ADAM12: variants seen among roughly 807,000 people sequenced by gnomAD.
The protein encoded by ADAM12 is disintegrin and metalloproteinase domain-containing protein 12.
A neutral mutation model predicts 106.4 loss-of-function variants in ADAM12; 70 were observed. The ratio of observed to expected loss-of-function variants is 0.66; its 90% CI spans 0.54 to 0.80. The LOEUF is 0.80. Ranked by LOEUF, ADAM12 falls within the 30% of genes least tolerant of loss-of-function variation. The pLI is 0.00. For synonymous variants in ADAM12, 420 were observed against 433.5 expected (o/e 0.97, Z 0.39); for missense variants, 1,010 against 1,171.9 (o/e 0.86, Z 2.02).
intron 2 of ADAM12, among the ~76,000 whole-genome samples, chr10:126,319,637 C>G (rs1305362057): frequency 6.6e-6 from 1 of 152,104 alleles, no homozygotes; most frequent in Non-Finnish European, 1.5e-5. Context: ...TGTGAGGTCC[C>G]AGATGAACCA....
intron 21 of ADAM12, among the ~76,000 whole-genome samples, chr10:126,027,899 A>G (rs1254423239): frequency 1.3e-5 from 2 of 152,210 alleles, no homozygotes; most frequent in Non-Finnish European, 2.9e-5. Context: ...GGAAGAGAGG[A>G]AGTCAAACTA....
chr10:126,156,024 TA>T (rs1174090482), intron 3 of ADAM12, among the ~76,000 whole-genome samples: 5 of 152,224 alleles, frequency 3.3e-5, no homozygotes, highest in Non-Finnish European at 5.9e-5. Context: ...ACTTAGATTT[TA>T]AATTATTTTC....
rs377630592 is a variant in ADAM12, at chr10:126,118,085, C to A, written c.556G>T (p.Ala186Ser). Residue 186 changes from alanine to serine, a missense_variant, in exon 6 of 23, where the codon GCT becomes TCT. This residue lies in a region of ADAM12 where 391 missense variants were observed against 442.9 expected (regional missense o/e 0.88). Coordinates refer to ENST00000448723, the MANE Select transcript of ADAM12 (RefSeq NM_001288973.2). ...GGTGGTGGAAACACATTCTTTGCAG[C>A]GAGGTTTGGTGTGTTGTGATGTGAT... is the stretch of plus-strand genomic sequence containing the variant. ...CGSHHNTPNL[A>S]AKNVFPPPSQ... is the part of the protein sequence containing the mutation. The A allele has an allele frequency of 6.2e-7, 1 of 1,614,100 alleles. No homozygotes were observed.
chr10:126,230,308 T>C (rs1342606108), intron 3 of ADAM12, among the ~76,000 whole-genome samples: 1 of 152,180 alleles, frequency 6.6e-6, no homozygotes, highest in African/African-American at 2.4e-5. Flanking sequence ...GCTCCTGGCA[T>C]TTATCTGACG....
At chr10:126,217,759 G>GA (rs1345366177) in intron 3 of ADAM12, among the ~76,000 whole-genome samples, 1 of 62 alleles carries the variant, frequency 0.016, no homozygotes, top group African/African-American at 0.071. Flanking sequence ...GATCACCTGA[G>GA]TCAGGAGTTC....
At position 126,049,793 on chromosome 10, in the gene ADAM12, G is replaced by T. The variant is rs189070659; in HGVS notation, c.1610-124C>A. 7.1e-6 allele frequency: 6 copies of T among 848,826 alleles called. No homozygotes were observed. Among genetic ancestry groups the T allele is most frequent in the Non-Finnish European group, 1.1e-5 (6 of 552,244 alleles). The allele number at this position is 848,826 out of a possible 1,614,324, so 52.6% of individuals were successfully genotyped here. ...AGCAATCACACCCAGTGTCTGTCCC[G>T]ACTCATGGTGGGAGCTGGCCAGGGG... On this transcript the variant is annotated intron_variant, in intron 14 of 22. Transcript: ENST00000448723. This position sits in a 1 kb window ranked among gnomAD's most constrained non-coding sequence, Gnocchi z 4.4.
At chr10:126,109,643 A>G in intron 7 of ADAM12, 132 bp downstream of exon 7, 1 of 658,500 alleles carries the variant, frequency 1.5e-6, no homozygotes, top group Non-Finnish European at 2.5e-6. Context: ...CATTGTTTCA[A>G]TGGGTTGTTT....
chr10:126,020,299 C>T (rs367827709), intron 21 of ADAM12, among the ~76,000 whole-genome samples: 9 of 152,180 alleles, frequency 5.9e-5, no homozygotes, highest in African/African-American at 1.9e-4. Context: ...CACGTGCAGG[C>T]GCTGTTCCAC....
At chr10:126,156,910 G>A (rs1956827091) in intron 3 of ADAM12, among the ~76,000 whole-genome samples, 1 of 152,196 alleles carries the variant, frequency 6.6e-6, no homozygotes, top group Non-Finnish European at 1.5e-5. Context: ...TGGACAACAG[G>A]GAGTCAAGAG....
chr10:126,350,937 C>T (rs1013258195), intron 1 of ADAM12, among the ~76,000 whole-genome samples: 6 of 152,208 alleles, frequency 3.9e-5, no homozygotes, highest in African/African-American at 1.4e-4. Flanking sequence ...CTGCCCCTTC[C>T]CCTGTCCAGG....
At position 126,337,732 on chromosome 10, in the gene ADAM12, C is replaced by T. The variant is rs1454323793; in HGVS notation, c.89-7223G>A. On this transcript the variant is annotated intron_variant, in intron 1 of 22. Coordinates refer to ENST00000448723, the MANE Select transcript of ADAM12 (RefSeq NM_001288973.2). ...CTGACACCTAATATTAACCATCACA[C>T]ATGGATCTCATTTGGTTTAGGTTGT... Among the ~76,000 whole-genome samples the T allele has an allele frequency of 2.0e-5, 3 of 152,218 alleles. No homozygotes were observed. The East Asian group carries it at 5.8e-4, about 29-fold the overall frequency.
At chr10:126,048,438 T>C (rs1289318186) in intron 16 of ADAM12, among the ~76,000 whole-genome samples, 2 of 152,076 alleles carry the variant, frequency 1.3e-5, no homozygotes, top group Admixed American at 1.3e-4. Flanking sequence ...GAAAAAGGAT[T>C]TGTGGCTCAG....
chr10:126,124,819 G>T (rs1328389789), intron 5 of ADAM12, among the ~76,000 whole-genome samples: 1 of 151,022 alleles, frequency 6.6e-6, no homozygotes, highest in Non-Finnish European at 1.5e-5. Context: ...TTGAACCTGG[G>T]AGGCGGAGGT....
At chr10:126,157,903 G>A (rs1284237236) in intron 3 of ADAM12, among the ~76,000 whole-genome samples, 1 of 152,180 alleles carries the variant, frequency 6.6e-6, no homozygotes, top group African/African-American at 2.4e-5. Flanking sequence ...AAGGTGACAG[G>A]GCCCTGAAGA....
intron 11 of ADAM12, among the ~76,000 whole-genome samples, chr10:126,092,215 T>C (rs1334378917): frequency 6.6e-6 from 1 of 152,232 alleles, no homozygotes; most frequent in Non-Finnish European, 1.5e-5. Flanking sequence ...GCTAATGTAT[T>C]TGTGCCCATC....
intron 4 of ADAM12, 37 bp downstream of exon 4, chr10:126,155,190 G>A (rs1301514669): frequency 6.2e-7 from 1 of 1,600,658 alleles, no homozygotes; most frequent in Admixed American, 1.7e-5. Context: ...AGATCCAGTG[G>A]TGTAAGATTA....
chr10:126,187,333 A>G (rs1256778589), intron 3 of ADAM12, among the ~76,000 whole-genome samples: 1 of 151,612 alleles, frequency 6.6e-6, no homozygotes, highest in Non-Finnish European at 1.5e-5. Context: ...AAATAAAAAA[A>G]AAACAAATTT....
intron 5 of ADAM12, among the ~76,000 whole-genome samples, chr10:126,132,364 G>C (rs1956321247): frequency 6.6e-6 from 1 of 152,186 alleles, no homozygotes; most frequent in Non-Finnish European, 1.5e-5. Flanking sequence ...TGAAGAAAGA[G>C]GTCCACCTTT....
At chr10:126,147,985 A>C (rs1956660153) in intron 4 of ADAM12, among the ~76,000 whole-genome samples, 2 of 152,186 alleles carry the variant, frequency 1.3e-5, no homozygotes, top group Non-Finnish European at 2.9e-5. Flanking sequence ...AGCCTTTCAG[A>C]GCTGTCTTTT....
Sources: allele counts gnomAD v4.1 joint callset (sites outside exome capture counted in the v4.1 genomes callset), GRCh38; gene constraint gnomAD v4.1.1; regional missense constraint gnomAD v4.1.1; non-coding constraint Gnocchi (gnomAD v3.1); transcripts MANE v1.5; gene names NCBI Gene and HGNC (gene_info 2026-07-23, HGNC 2026-07-21).